The following ECPAS variants were observed in gnomAD, a reference collection of about 807,000 sequenced individuals.
ECPAS encodes the protein proteasome adapter and scaffold protein ECM29.
Under a neutral mutation model 255.1 loss-of-function variants are expected in ECPAS, and 70 were observed. The ratio of observed to expected loss-of-function variants is 0.27; its 90% confidence interval spans 0.23 to 0.33. The LOEUF (loss-of-function observed/expected upper bound fraction) is 0.33, where lower values mean the gene tolerates loss of function less well. ECPAS is among the 10% of genes least tolerant of loss of function. The pLI is 1.00. For synonymous variants in ECPAS, 784 were observed against 775.0 expected (o/e 1.01, Z -0.19); for missense variants, 1,817 against 2,206.4 (o/e 0.82, Z 3.54).
intron 8 of ECPAS, among the ~76,000 whole-genome samples, chr9:111,431,717 T>C (rs543809098): frequency 6.6e-6 from 1 of 152,318 alleles, no homozygotes; most frequent in East Asian, 1.9e-4. Flanking sequence ...TGGTTCTGCT[T>C]TCAAGCTATC....
At chr9:111,415,076 A>G (rs1371084887) in intron 18 of ECPAS, among the ~76,000 whole-genome samples, 1 of 152,150 alleles carries the variant, frequency 6.6e-6, no homozygotes, top group African/African-American at 2.4e-5. Context: ...AAAGATAACT[A>G]TGGGGTATTG....
At chr9:111,391,587 A>C (rs559198304) in intron 29 of ECPAS, among the ~76,000 whole-genome samples, 169 bp downstream of exon 29, 72 of 152,090 alleles carry the variant, frequency 4.7e-4, no homozygotes, top group Non-Finnish European at 8.8e-5. Flanking sequence ...ATCTCAAAAA[A>C]AAAAAAAAAG....
Position 111,395,818 on chromosome 9 carries a change from T to G in ECPAS, c.2776+1212A>C, listed in dbSNP as rs189866812. Among the ~76,000 whole-genome samples, 167 of 152,306 alleles carry G rather than the reference T, an allele frequency of 1.1e-3. 2 individuals carry two copies. Among genetic ancestry groups the G allele is most frequent in the African/African-American group, 3.8e-3 (156 of 41,578 alleles). On this transcript the variant is annotated intron_variant, in intron 25 of 49. Coordinates refer to ENST00000684092, the MANE Select transcript of ECPAS (RefSeq NM_001364929.1). ...GGTTTGGTTGTCTTCTTGTTAACAA[T>G]GTTGCTTCCCTTCCTTACCTCCTTC... is the stretch of plus-strand genomic sequence containing the variant.
intron 2 of ECPAS, among the ~76,000 whole-genome samples, chr9:111,465,744 A>G (rs1215074532): frequency 6.6e-6 from 1 of 151,954 alleles, no homozygotes; most frequent in Non-Finnish European, 1.5e-5. Flanking sequence ...AAAAAACAGC[A>G]TACAGGCCAG....
At chr9:111,452,982 G>C (rs1173433427) in intron 2 of ECPAS, among the ~76,000 whole-genome samples, 1 of 152,134 alleles carries the variant, frequency 6.6e-6, no homozygotes, top group Non-Finnish European at 1.5e-5. Context: ...AGTGGCTTAT[G>C]CCTATAATCC....
chr9:111,391,407 G>A (rs995326449), intron 29 of ECPAS, among the ~76,000 whole-genome samples: 3 of 151,972 alleles, frequency 2.0e-5, no homozygotes, highest in African/African-American at 4.8e-5. Flanking sequence ...GTGAAACCCC[G>A]TCTCTACTAA....
intron 2 of ECPAS, among the ~76,000 whole-genome samples, chr9:111,468,689 C>CAT (rs2098282507): frequency 6.7e-6 from 1 of 149,914 alleles, no homozygotes; most frequent in Non-Finnish European, 1.5e-5. Flanking sequence ...CAAGCTCAAA[C>CAT]GTGTGTGTGT....
chr9:111,376,453 T>C (rs543675317), intron 37 of ECPAS, 23 bp downstream of exon 37: 3 of 1,555,676 alleles, frequency 1.9e-6, no homozygotes, highest in Admixed American at 1.9e-5. Context: ...ACAAACCCTC[T>C]CATTATTATT....
At chr9:111,363,504 T>A in intron 49 of ECPAS, 84 bp downstream of exon 49, 1 of 763,252 alleles carries the variant, frequency 1.3e-6, no homozygotes, top group Non-Finnish European at 2.3e-6. Context: ...TGCTTAAGAG[T>A]ATAAGCAAAA....
intron 11 of ECPAS, 50 bp downstream of exon 11, chr9:111,425,693 A>G: frequency 8.7e-7 from 1 of 1,145,248 alleles, no homozygotes; most frequent in Non-Finnish European, 1.3e-6. Context: ...GAAGCACTCA[A>G]TCATTCCAGC....
At position 111,378,141 on chromosome 9, in the gene ECPAS, G is replaced by A. The variant is rs558666605; in HGVS notation, c.3954+439C>T. Among the ~76,000 whole-genome samples the A allele has an allele frequency of 3.4e-5, 5 of 148,918 alleles. No homozygotes were observed. In the East Asian group the frequency reaches 1.0e-3, roughly 30 times the overall value. On this transcript the variant is annotated intron_variant, in intron 36 of 49. Transcript: ENST00000684092. ...AGCCTGGGTGACAGAGTGATGCTCC[G>A]TCTCCAAAAAAATAAAAATAAAAAT...
At chr9:111,456,966 A>C (rs1316431181) in intron 2 of ECPAS, among the ~76,000 whole-genome samples, 1 of 152,264 alleles carries the variant, frequency 6.6e-6, no homozygotes, top group East Asian at 1.9e-4. Context: ...ATGCAGGAGA[A>C]GGAAAGTCTG....
rs562168239 is a variant in ECPAS, at chr9:111,360,990, C to T, written c.*1040G>A. The T allele has an allele frequency of 3.3e-5, 5 of 152,270 alleles. No individual in the cohort carries two copies. The highest frequency in any genetic ancestry group is 3.3e-4 in the Admixed American group (5 of 15,294). The allele number at this position is 152,270 out of a possible 1,614,324, so 9.4% of individuals were successfully genotyped here. ...TGGGCAACAGAAGGAAGGAGGAAAA[C>T]CCCTAGTGGCAATGATTTACTTGGA... On this transcript the variant is annotated 3_prime_UTR_variant, in exon 50 of 50. Transcript: ENST00000684092.
rs2098164835 is a variant in ECPAS at position 111,394,491 on chromosome 9, T to C, written c.2777-186A>G. 3.3e-5 allele frequency among the ~76,000 whole-genome samples: 5 copies of C among 152,162 alleles called. No homozygotes were observed. The South Asian group carries it at 1.0e-3, about 32-fold the overall frequency. On this transcript the variant is annotated intron_variant, in intron 25 of 49. Transcript: ENST00000684092. ...CTCTAGAACCTAGTGTAAACAAAATTACATTTCAAAGGTACTCGAGTAACT... is the reference window on the plus strand; with the variant it reads ...CTCTAGAACCTAGTGTAAACAAAATCACATTTCAAAGGTACTCGAGTAACT...
intron 2 of ECPAS, among the ~76,000 whole-genome samples, chr9:111,462,280 T>C (rs980303363): frequency 6.6e-6 from 1 of 152,190 alleles, no homozygotes; most frequent in Non-Finnish European, 1.5e-5. Flanking sequence ...ACTGTGGAGC[T>C]GGAAATAACC....
intron 2 of ECPAS, among the ~76,000 whole-genome samples, chr9:111,465,712 G>C (rs2098278710): frequency 6.6e-6 from 1 of 151,714 alleles, no homozygotes; most frequent in Non-Finnish European, 1.5e-5. Flanking sequence ...ATTTTTCAGT[G>C]AAAATACATT....
At chr9:111,466,216 A>C (rs575173752) in intron 2 of ECPAS, among the ~76,000 whole-genome samples, 1 of 152,232 alleles carries the variant, frequency 6.6e-6, no homozygotes, top group Admixed American at 6.5e-5. Context: ...TGGGAGGCCG[A>C]GGTAAGTGAT....
chr9:111,451,920 G>C (rs2098260775), intron 2 of ECPAS, among the ~76,000 whole-genome samples: 1 of 152,174 alleles, frequency 6.6e-6, no homozygotes, highest in African/African-American at 2.4e-5. Flanking sequence ...AGTTATTAGG[G>C]ACAATATATC....
chr9:111,408,663 G>A lies in ECPAS; in HGVS notation c.2560C>T (p.Arg854Ter), dbSNP rs775190017. ...AAATATCCCAGTGTTTGGATTGCTC[G>A]TTCTTTCATCTGGAAGAACACCAAA... ...SSKETNKMKE[R>*]AIQTLGYFPV... Residue 854 changes from arginine to a stop codon, truncating the protein, a stop_gained, in exon 24 of 50, where the codon CGA becomes TGA. Coordinates refer to ENST00000684092, the MANE Select transcript of ECPAS (RefSeq NM_001364929.1). LOFTEE classifies it high-confidence loss of function. 6 of 1,569,156 alleles carry A rather than the reference G, an allele frequency of 3.8e-6. No individual in the cohort carries two copies. Among genetic ancestry groups the A allele is most frequent in the Non-Finnish European group, 4.3e-6 (5 of 1,159,130 alleles).
Sources: gnomAD v4.1 joint callset for allele counts (sites outside exome capture counted in the v4.1 genomes callset) on GRCh38, gnomAD v4.1.1 for gene constraint, MANE v1.5 for transcripts, NCBI Gene and HGNC (gene_info 2026-07-23, HGNC 2026-07-21) for gene names.